The following SLC10A1 variants were observed in gnomAD, a reference collection of about 807,000 sequenced individuals.
The protein encoded by SLC10A1 is hepatic sodium/bile acid cotransporter.
SLC10A1 carries 36 observed loss-of-function variants against 20.5 expected under a neutral mutation model. The observed-to-expected ratio is 1.75, with a 90% confidence interval of 1.34 to 2.32. The LOEUF (loss-of-function observed/expected upper bound fraction) is 2.32, where lower values mean the gene tolerates loss of function less well. SLC10A1 is among the 30% of genes most tolerant of loss of function. The probability of loss-of-function intolerance (pLI) is 0.00; values close to 1 mark genes in which losing one functional copy is unlikely to be tolerated. For missense variants in SLC10A1, 545 were observed against 439.1 expected, an observed-to-expected ratio of 1.24 and a Z score of -2.16; for synonymous variants, 188 against 163.6, an observed-to-expected ratio of 1.15 and a Z score of -1.14.
intron 1 of SLC10A1, 66 bp from the exon 2 acceptor site, chr14:69,786,373 G>T: frequency 7.4e-7 from 1 of 1,356,038 alleles, no homozygotes; most frequent in Non-Finnish European, 1.1e-6. Context: ...TTTGTTGAGT[G>T]CCTGCTAAGT....
At chr14:69,789,740 A>G (rs1029200643) in intron 1 of SLC10A1, among the ~76,000 whole-genome samples, 9 of 152,188 alleles carry the variant, frequency 5.9e-5, no homozygotes, top group African/African-American at 9.7e-5. Context: ...GGGAGCAAAT[A>G]AAGCAATTAT....
At chr14:69,785,311 A>G (rs1440125283) in intron 2 of SLC10A1, among the ~76,000 whole-genome samples, 1 of 152,192 alleles carries the variant, frequency 6.6e-6, no homozygotes, top group Admixed American at 6.5e-5. Context: ...AATTCACTCC[A>G]CTTCCCACCC....
intron 2 of SLC10A1, among the ~76,000 whole-genome samples, chr14:69,782,280 G>C (rs576044062): frequency 2.0e-5 from 3 of 152,294 alleles, no homozygotes; most frequent in East Asian, 3.9e-4. Context: ...CTTATTACTA[G>C]TCTCTGTTTT....
chr14:69,777,902 C>T (rs746176618), intron 4 of SLC10A1, among the ~76,000 whole-genome samples: 21 of 150,582 alleles, frequency 1.4e-4, no homozygotes, highest in Admixed American at 2.7e-4. Flanking sequence ...TTTCCTCATA[C>T]GGAGGTGCCA....
intron 1 of SLC10A1, among the ~76,000 whole-genome samples, chr14:69,787,516 A>G (rs1171867940): frequency 6.6e-6 from 1 of 152,206 alleles, no homozygotes; most frequent in Non-Finnish European, 1.5e-5. Flanking sequence ...CACTTCTTTC[A>G]TTATTTCTAT....
chr14:69,779,395 G>A, intron 2 of SLC10A1, 35 bp from the exon 3 acceptor site: 1 of 1,571,858 alleles, frequency 6.4e-7, no homozygotes, highest in Non-Finnish European at 8.7e-7. Flanking sequence ...AATTAGAAGA[G>A]TTGGGGATAG....
rs1172406586 is a variant in SLC10A1 at position 69,776,081 on chromosome 14, A to G, written c.*201T>C. 1 of 561,448 alleles carries G rather than the reference A, an allele frequency of 1.8e-6. No homozygotes were observed. Among genetic ancestry groups the G allele is most frequent in the African/African-American group, 1.9e-5 (1 of 52,736 alleles). 34.8% of individuals were successfully genotyped at this position (561,448 alleles called of 1,614,324 possible). ...AACAAGTCTTTAAAATAAGTAGCAA[A>G]TTCTAAGTTGGGGATAGGTGAGGCT... is the stretch of plus-strand genomic sequence containing the variant. On this transcript the variant is annotated 3_prime_UTR_variant, in exon 5 of 5. Coordinates refer to ENST00000216540, the MANE Select transcript of SLC10A1 (RefSeq NM_003049.4).
intron 1 of SLC10A1, among the ~76,000 whole-genome samples, chr14:69,795,357 C>T (rs186200257): frequency 3.9e-5 from 6 of 151,946 alleles, no homozygotes; most frequent in Admixed American, 3.9e-4. Flanking sequence ...GATGGCAGAT[C>T]CTGTTAAACC....
At chr14:69,790,741 A>G (rs1405363700) in intron 1 of SLC10A1, among the ~76,000 whole-genome samples, 1 of 152,082 alleles carries the variant, frequency 6.6e-6, no homozygotes, top group Non-Finnish European at 1.5e-5. Context: ...GATAGTCATT[A>G]TTATTACCTG....
At chr14:69,778,739 C>CT (rs2139710234) in intron 3 of SLC10A1, among the ~76,000 whole-genome samples, 1 of 152,280 alleles carries the variant, frequency 6.6e-6, no homozygotes, top group Non-Finnish European at 1.5e-5. Flanking sequence ...AGTCTAAAGT[C>CT]TCTTGTCCAG....
chr14:69,784,491 A>G (rs959125028), intron 2 of SLC10A1, among the ~76,000 whole-genome samples: 1 of 152,070 alleles, frequency 6.6e-6, no homozygotes, highest in Non-Finnish European at 1.5e-5. Context: ...CATGGGGGAA[A>G]TGGAAGGTGT....
rs1883435578 is a variant in SLC10A1, at chr14:69,775,963, A to T, written c.*319T>A. The T allele has an allele frequency of 3.5e-6, 1 of 289,782 alleles. No individual in the cohort carries two copies. Among genetic ancestry groups the T allele is most frequent in the Non-Finnish European group, 6.5e-6 (1 of 154,228 alleles). The allele number at this position is 289,782 out of a possible 1,614,324, so 18.0% of individuals were successfully genotyped here. On this transcript the variant is annotated 3_prime_UTR_variant, in exon 5 of 5. Coordinates refer to ENST00000216540, the MANE Select transcript of SLC10A1 (RefSeq NM_003049.4). ...AAACATATATATTGATTAGTTCAGG[A>T]ATTGAGTGACTTTAAGATGCTTATC...
chr14:69,790,596 A>G (rs1014704506), intron 1 of SLC10A1, among the ~76,000 whole-genome samples: 2 of 152,140 alleles, frequency 1.3e-5, no homozygotes, highest in Non-Finnish European at 2.9e-5. Flanking sequence ...ATGTTCTTAC[A>G]TAATAAAAAT....
intron 1 of SLC10A1, among the ~76,000 whole-genome samples, chr14:69,786,904 A>G (rs1390243380): frequency 6.6e-6 from 1 of 152,366 alleles, no homozygotes; most frequent in East Asian, 1.9e-4. Context: ...GATGGGTGGC[A>G]TGGGAGTGAT....
At chr14:69,780,058 T>C (rs1171238118) in intron 2 of SLC10A1, among the ~76,000 whole-genome samples, 1 of 152,134 alleles carries the variant, frequency 6.6e-6, no homozygotes, top group African/African-American at 2.4e-5. Context: ...GGAAATACGG[T>C]TTTAAACCCA....
At chr14:69,780,567 T>G (rs1049872332) in intron 2 of SLC10A1, among the ~76,000 whole-genome samples, 1 of 152,250 alleles carries the variant, frequency 6.6e-6, no homozygotes, top group Admixed American at 6.5e-5. Context: ...ATTAAGTACA[T>G]TCATAATGTC....
chr14:69,797,083 G>T lies in SLC10A1; in HGVS notation c.73C>A (p.Leu25Met). Reference sequence around the variant, plus strand: ...AACACCAGGATGACGCTCAGTGCCAGGTCTGTGGGGCGCTTGCCAAAGTTG... The same window carrying T: ...AACACCAGGATGACGCTCAGTGCCATGTCTGTGGGGCGCTTGCCAAAGTTG... ...PPNFGKRPTD[L>M]ALSVILVFML... Residue 25 changes from leucine (L) to methionine (M), a missense_variant, in exon 1 of 5, where the codon CTG (leucine) becomes ATG (methionine). By Grantham distance (15) the Leu-to-Met change is conservative. Coordinates refer to ENST00000216540, the MANE Select transcript of SLC10A1 (RefSeq NM_003049.4). 6.2e-7 allele frequency: 1 copy of T among 1,614,144 alleles called. No homozygotes were observed. The highest frequency in any genetic ancestry group is 8.5e-7 in the Non-Finnish European group (1 of 1,180,030).
chr14:69,779,387 T>A (rs1883535994), intron 2 of SLC10A1, 27 bp from the exon 3 acceptor site: 2 of 1,587,720 alleles, frequency 1.3e-6, no homozygotes, highest in Middle Eastern at 1.7e-4. Flanking sequence ...GAAAAGGCAA[T>A]TAGAAGAGTT....
intron 1 of SLC10A1, among the ~76,000 whole-genome samples, chr14:69,788,807 A>G (rs1395843541): frequency 1.3e-5 from 2 of 152,192 alleles, no homozygotes; most frequent in Non-Finnish European, 2.9e-5. Flanking sequence ...GGGCCTCCCA[A>G]AGTGCTGGGA....
Sources: allele counts gnomAD v4.1 joint callset (sites outside exome capture counted in the v4.1 genomes callset), GRCh38; gene constraint gnomAD v4.1.1; transcripts MANE v1.5; gene names NCBI Gene and HGNC (gene_info 2026-07-23, HGNC 2026-07-21).